CALN1: variants seen among roughly 807,000 people sequenced by gnomAD.
CALN1 encodes calcium-binding protein 8.
Under a neutral mutation model 30.6 loss-of-function variants are expected in CALN1, and 17 were observed. That is an observed-to-expected ratio of 0.56 (90% confidence interval 0.38 to 0.83). The LOEUF (loss-of-function observed/expected upper bound fraction) is 0.83. Ranked by LOEUF, CALN1 falls within the 40% of genes least tolerant of loss-of-function variation. CALN1 has a pLI of 0.00. For synonymous variants in CALN1, 156 were observed against 131.4 expected (o/e 1.19, Z -1.28); for missense variants, 291 against 354.9 (o/e 0.82, Z 1.45).
At chr7:72,029,556 T>C (rs1801305043) in intron 4 of CALN1, among the ~76,000 whole-genome samples, 2 of 152,174 alleles carry the variant, frequency 1.3e-5, no homozygotes, top group Non-Finnish European at 2.9e-5. Context: ...CACCAAACCA[T>C]GATTAGAACC....
rs12699141 is a variant in CALN1 at position 72,421,239 on chromosome 7, T to C, written c.-225-8964A>G. Among the ~76,000 whole-genome samples the C allele has an allele frequency of 5.1e-3, 776 of 152,248 alleles. 3 individuals carry two copies. Among genetic ancestry groups the C allele is most frequent in the Non-Finnish European group, 8.4e-3 (569 of 68,022 alleles). On this transcript the variant is annotated intron_variant, in intron 1 of 6. Coordinates refer to the CALN1 transcript ENST00000395276. Reference sequence around the variant, plus strand: ...CCCATCACATACTGTACCCAAGATGTTGTCTTTTATCCATCACTCCACTCC... The same window carrying C: ...CCCATCACATACTGTACCCAAGATGCTGTCTTTTATCCATCACTCCACTCC...
At chr7:71,892,516 T>C (rs1458768281) in intron 5 of CALN1, among the ~76,000 whole-genome samples, 2 of 152,190 alleles carry the variant, frequency 1.3e-5, no homozygotes, top group Non-Finnish European at 2.9e-5. Flanking sequence ...TGCCCACCTG[T>C]AATCCCCGCT....
Position 72,281,186 on chromosome 7 carries a change from TTCTC to T in CALN1, c.120-2380_120-2377del, listed in dbSNP as rs992794620. 7.6e-4 allele frequency among the ~76,000 whole-genome samples: 115 copies of T among 151,952 alleles called. 1 individual carries two copies. The highest frequency in any genetic ancestry group is 1.4e-3 in the East Asian group (7 of 5,164). ...CCCTTTCCCTTCTCTGCCTCTTTCA[TTCTC>T]TCTCTAACACTCATGCTCTCTTCCT... is the stretch of plus-strand genomic sequence containing the variant. On this transcript the variant is annotated intron_variant, in intron 2 of 6. Transcript: ENST00000395275.
chr7:72,259,295 T>C (rs915790942), intron 3 of CALN1, among the ~76,000 whole-genome samples: 2 of 151,992 alleles, frequency 1.3e-5, no homozygotes, highest in Non-Finnish European at 2.9e-5. Context: ...AATCTGTATA[T>C]CTGGGATAAA....
At chr7:72,355,993 G>A (rs1803197780) in intron 2 of CALN1, among the ~76,000 whole-genome samples, 1 of 152,160 alleles carries the variant, frequency 6.6e-6, no homozygotes, top group South Asian at 2.1e-4. Context: ...AATTATGGTT[G>A]TACAAAAGGA....
At chr7:72,228,963 G>T (rs1793887845) in intron 3 of CALN1, among the ~76,000 whole-genome samples, 1 of 150,460 alleles carries the variant, frequency 6.6e-6, no homozygotes, top group Non-Finnish European at 1.5e-5. Flanking sequence ...GGTGGTGGGG[G>T]GCGGGGATCT....
chr7:72,327,399 G>T (rs10258915), intron 2 of CALN1, among the ~76,000 whole-genome samples: 1,833 of 152,298 alleles, frequency 0.012, 36 homozygotes, highest in African/African-American at 0.04. Flanking sequence ...TGACGCAGGG[G>T]AATCCCTTGA....
intron 2 of CALN1, among the ~76,000 whole-genome samples, chr7:72,323,465 G>A (rs1801040453): frequency 6.6e-6 from 1 of 152,036 alleles, no homozygotes; most frequent in Non-Finnish European, 1.5e-5. Context: ...TTTGAGACCA[G>A]CCTGGCCAAC....
Position 72,437,525 on chromosome 7 carries a change from A to AGTGTGTGTGTGTGTGTGT in CALN1, c.-226+9499_-226+9516dup, listed in dbSNP as rs9297115. Among the ~76,000 whole-genome samples the AGTGTGTGTGTGTGTGTGT allele has an allele frequency of 2.0e-4, 30 of 150,744 alleles. No homozygotes were observed. In the Middle Eastern group the frequency reaches 0.01, roughly 52 times the overall value. On this transcript the variant is annotated intron_variant, in intron 1 of 6. Transcript: ENST00000395276. ...GAAGGTGAGAAACCCAGTTGTGTGG[A>AGTGTGTGTGTGTGTGTGT]GTGTGTGTGTGTGTGTGTGTGTCCA...
intron 4 of CALN1, among the ~76,000 whole-genome samples, chr7:72,052,967 C>T (rs141191872): frequency 9.9e-5 from 15 of 151,860 alleles, no homozygotes; most frequent in African/African-American, 3.1e-4. Flanking sequence ...CGGTGGCTCA[C>T]GCCTGTAATC....
chr7:72,219,217 C>A (rs1793081842), intron 3 of CALN1, among the ~76,000 whole-genome samples: 1 of 151,664 alleles, frequency 6.6e-6, no homozygotes, highest in African/African-American at 2.4e-5. Context: ...AGTCAAATGC[C>A]CGTCATTTTT....
intron 2 of CALN1, among the ~76,000 whole-genome samples, chr7:72,333,184 T>G (rs1336956399): frequency 6.6e-6 from 1 of 152,134 alleles, no homozygotes; most frequent in East Asian, 1.9e-4. Flanking sequence ...TCCTTTAAAC[T>G]CAGCTCAGAC....
chr7:71,786,024 T>C lies in CALN1; in HGVS notation c.*1751A>G, dbSNP rs1300454832. The C allele has an allele frequency of 6.6e-6, 1 of 152,600 alleles. No individual in the cohort carries two copies. The highest frequency in any genetic ancestry group is 2.4e-5 in the African/African-American group (1 of 41,392). 9.5% of individuals were successfully genotyped at this position (152,600 alleles called of 1,614,324 possible). A position where few individuals can be genotyped will look rare whatever the true frequency, so the allele number is the denominator to read the frequency against. On this transcript the variant is annotated 3_prime_UTR_variant, in exon 7 of 7. Coordinates refer to ENST00000395275, the MANE Select transcript of CALN1 (RefSeq NM_031468.4). ...TACTTGTGCTCATCAGGAATATTCA[T>C]AGTCTCCCACAGAGGGAAAGTTTCT...
intron 2 of CALN1, among the ~76,000 whole-genome samples, chr7:72,362,683 A>C (rs928962071): frequency 2.0e-5 from 3 of 151,940 alleles, no homozygotes; most frequent in African/African-American, 7.3e-5. Context: ...CTGTGTGCCC[A>C]GTCCCTGCCA....
the CALN1 span, among the ~76,000 whole-genome samples, chr7:72,488,844 C>T: frequency 4.2e-4 from 64 of 152,162 alleles, 1 homozygote; most frequent in South Asian, 0.013. Flanking sequence ...GCACCATGCC[C>T]AGGTAATCTT....
intron 3 of CALN1, among the ~76,000 whole-genome samples, chr7:72,225,406 G>A (rs890377501): frequency 6.6e-6 from 1 of 151,914 alleles, no homozygotes; most frequent in Non-Finnish European, 1.5e-5. Context: ...ACGGGGGAGG[G>A]GCAACGATAC....
At chr7:72,168,765 AG>A (rs1197150439) in intron 3 of CALN1, among the ~76,000 whole-genome samples, 1 of 151,206 alleles carries the variant, frequency 6.6e-6, no homozygotes, top group Non-Finnish European at 1.5e-5. Context: ...CCCCTTTCTG[AG>A]AAACACTTCA....
chr7:72,133,885 C>T (rs570054427), intron 3 of CALN1, among the ~76,000 whole-genome samples: 1 of 152,306 alleles, frequency 6.6e-6, no homozygotes, highest in Admixed American at 6.5e-5. Context: ...AATAACTGGC[C>T]TGTAACCTTA....
intron 5 of CALN1, among the ~76,000 whole-genome samples, chr7:71,920,053 A>G (rs1794860927): frequency 6.6e-6 from 1 of 152,228 alleles, no homozygotes; most frequent in Non-Finnish European, 1.5e-5. Flanking sequence ...GTTCAAAAGC[A>G]TATGAAAGCT....
Sources: allele counts gnomAD v4.1 joint callset (sites outside exome capture counted in the v4.1 genomes callset), GRCh38; gene constraint gnomAD v4.1.1; transcripts MANE v1.5; gene names NCBI Gene and HGNC (gene_info 2026-07-23, HGNC 2026-07-21).